ATXN7: variants seen among roughly 807,000 people sequenced by gnomAD.
The protein encoded by ATXN7 is ataxin-7.
In ATXN7, 12 loss-of-function variants were observed where a neutral mutation model predicts 70.5. The ratio of observed to expected loss-of-function variants is 0.17; its 90% CI spans 0.11 to 0.28. ATXN7 has a LOEUF of 0.28. Among genes scored for constraint, ATXN7 ranks in the 10% least tolerant of loss-of-function variants. The pLI is 1.00. For synonymous variants in ATXN7, 498 were observed against 448.7 expected (o/e 1.11, Z -1.39); for missense variants, 1,256 against 1,131.7 (o/e 1.11, Z -1.58).
At chr3:63,958,605 A>G (rs2075074268) in intron 5 of ATXN7, among the ~76,000 whole-genome samples, 1 of 152,196 alleles carries the variant, frequency 6.6e-6, no homozygotes, top group Admixed American at 6.5e-5. Flanking sequence ...ACAGGTTCAG[A>G]TAGTTTTTAA....
At chr3:63,936,867 G>A (rs555029269) in intron 4 of ATXN7, among the ~76,000 whole-genome samples, 6 of 152,180 alleles carry the variant, frequency 3.9e-5, no homozygotes, top group South Asian at 2.1e-4. Flanking sequence ...TGGTTGGTCC[G>A]TTTTCTAGTC....
At chr3:63,875,657 C>T (rs1702728666) in intron 1 of ATXN7, among the ~76,000 whole-genome samples, 1 of 152,174 alleles carries the variant, frequency 6.6e-6, no homozygotes, top group Non-Finnish European at 1.5e-5. Context: ...GTAATTACCA[C>T]TTTGTGATGT....
In ATXN7 at chr3:63,996,245, T is replaced by C. The variant is rs763634768; in HGVS notation, c.2423T>C (p.Ile808Thr). 1 of 1,614,158 alleles carries C rather than the reference T, an allele frequency of 6.2e-7. No homozygotes were observed. The highest frequency in any genetic ancestry group is 8.5e-7 in the Non-Finnish European group (1 of 1,180,026). ...TCTACTCTTTCTCTTGGGCCATTCATTCACCAGTCCAATGAACTGCCTGTC... is the reference window on the plus strand; with the variant it reads ...TCTACTCTTTCTCTTGGGCCATTCACTCACCAGTCCAATGAACTGCCTGTC... ...SDSTLSLGPF[I>T]HQSNELPVNS... is the part of the protein sequence containing the mutation. Residue 808 changes from isoleucine to threonine, a missense_variant, in exon 12 of 13, where the codon ATT becomes ACT. Physicochemically the swap from Ile to Thr is moderately conservative, Grantham distance 89 (BLOSUM62 -1). Coordinates refer to ENST00000674280, the MANE Select transcript of ATXN7 (RefSeq NM_001377405.1).
intron 4 of ATXN7, among the ~76,000 whole-genome samples, chr3:63,948,712 T>C (rs899756080): frequency 5.9e-5 from 9 of 152,204 alleles, no homozygotes; most frequent in Non-Finnish European, 8.8e-5. Context: ...CATATACATG[T>C]GCTCAAGTGT....
intron 4 of ATXN7, among the ~76,000 whole-genome samples, chr3:63,920,988 T>G (rs1329166765): frequency 6.6e-6 from 1 of 152,248 alleles, no homozygotes; most frequent in Non-Finnish European, 1.5e-5. Context: ...GTTAGTAGAC[T>G]TAGCAGTTGG....
intron 2 of ATXN7, chr3:63,901,848 T>C (rs1703653217): frequency 6.6e-6 from 1 of 151,812 alleles, no homozygotes; most frequent in Non-Finnish European, 1.5e-5. Flanking sequence ...TGTTCCAACA[T>C]GGATAAACCT....
At chr3:63,979,798 C>G in intron 5 of ATXN7, 117 bp from the exon 6 acceptor site, 10 of 1,409,500 alleles carry the variant, frequency 7.1e-6, no homozygotes, top group East Asian at 2.3e-5. Flanking sequence ...TTTAACATAC[C>G]TTCACTTAAC....
chr3:63,985,167 GT>G (rs1467038697), intron 8 of ATXN7, among the ~76,000 whole-genome samples: 15 of 152,102 alleles, frequency 9.9e-5, no homozygotes, highest in South Asian at 2.1e-4. Flanking sequence ...GTTGCCAAAA[GT>G]TTTTTTTCAA....
chr3:63,892,560 T>C (rs908503341), intron 1 of ATXN7, among the ~76,000 whole-genome samples: 2 of 152,036 alleles, frequency 1.3e-5, no homozygotes, highest in Admixed American at 1.3e-4. Context: ...TTGCCTCTTA[T>C]CCCTCCTTCT....
At chr3:63,936,026 T>C (rs1170922721) in intron 4 of ATXN7, among the ~76,000 whole-genome samples, 2 of 152,240 alleles carry the variant, frequency 1.3e-5, no homozygotes, top group Non-Finnish European at 2.9e-5. Context: ...TTTTGAAATA[T>C]GCTTGGAGTA....
At chr3:63,981,126 G>A (rs539186865) in intron 6 of ATXN7, among the ~76,000 whole-genome samples, 1 of 152,320 alleles carries the variant, frequency 6.6e-6, no homozygotes, top group South Asian at 2.1e-4. Context: ...TAATCTCAGG[G>A]TAGGGTCCAG....
intron 4 of ATXN7, among the ~76,000 whole-genome samples, chr3:63,923,644 A>G (rs879465774): frequency 2.0e-5 from 3 of 151,996 alleles, no homozygotes; most frequent in Non-Finnish European, 4.4e-5. Context: ...CATCTCTACA[A>G]AAAAAATTAG....
chr3:63,962,415 G>GT (rs1441345598), intron 5 of ATXN7, among the ~76,000 whole-genome samples: 2 of 151,622 alleles, frequency 1.3e-5, no homozygotes, highest in East Asian at 1.9e-4. Flanking sequence ...CTTCTGTTTT[G>GT]TTTTTTTGAG....
intron 1 of ATXN7, among the ~76,000 whole-genome samples, chr3:63,868,414 C>T (rs972040933): frequency 2.0e-5 from 3 of 152,116 alleles, no homozygotes; most frequent in African/African-American, 7.2e-5. Context: ...CCTCTTTGGC[C>T]CGCAAGAAGG....
At chr3:63,875,086 A>G (rs545848069) in intron 1 of ATXN7, among the ~76,000 whole-genome samples, 2 of 152,036 alleles carry the variant, frequency 1.3e-5, no homozygotes, top group Admixed American at 1.3e-4. Flanking sequence ...TCCTATTACC[A>G]TAACTTGGAG....
chr3:63,999,478 T>C lies in ATXN7; in HGVS notation c.*11T>C. ...AAGGCACGTCCCTGACAGCTGAAAA[T>C]AGCACGGGGAGGAATAATGCGGACA... On this transcript the variant is annotated 3_prime_UTR_variant, in exon 13 of 13. Transcript: ENST00000674280. 6.2e-7 allele frequency: 1 copy of C among 1,613,848 alleles called. No individual in the cohort carries two copies. Among genetic ancestry groups the C allele is most frequent in the Non-Finnish European group, 8.5e-7 (1 of 1,179,954 alleles).
At chr3:63,996,517 C>A (rs908193054) in intron 12 of ATXN7, 34 bp downstream of exon 12, 30 of 1,598,370 alleles carry the variant, frequency 1.9e-5, no homozygotes, top group Non-Finnish European at 2.6e-5. Flanking sequence ...ATGGGAATGC[C>A]CATTTCTTCT....
intron 4 of ATXN7, among the ~76,000 whole-genome samples, chr3:63,930,698 T>G (rs1704037717): frequency 6.6e-6 from 1 of 151,984 alleles, no homozygotes; most frequent in Non-Finnish European, 1.5e-5. Flanking sequence ...CCGGCTAATT[T>G]TTTTTGTATT....
At chr3:63,975,513 G>C (rs897268882) in intron 5 of ATXN7, among the ~76,000 whole-genome samples, 3 of 152,094 alleles carry the variant, frequency 2.0e-5, no homozygotes, top group African/African-American at 4.8e-5. Flanking sequence ...GTTACATTTT[G>C]TTTTGACTGC....
Sources: allele counts gnomAD v4.1 joint callset (sites outside exome capture counted in the v4.1 genomes callset), GRCh38; gene constraint gnomAD v4.1.1; transcripts MANE v1.5; gene names NCBI Gene and HGNC (gene_info 2026-07-23, HGNC 2026-07-21).